The following ANKS1B variants were observed in gnomAD, a reference collection of about 807,000 sequenced individuals.
The protein encoded by ANKS1B is ankyrin repeat and sterile alpha motif domain containing 1B.
ANKS1B carries 36 observed loss-of-function variants against 148.3 expected under a neutral mutation model. The observed-to-expected ratio is 0.24, with a 90% CI of 0.19 to 0.32. ANKS1B has a LOEUF of 0.32. Ranked by LOEUF, ANKS1B falls within the 10% of genes least tolerant of loss-of-function variation. The pLI, the probability that ANKS1B is intolerant of heterozygous loss-of-function variation, is 1.00. For missense variants in ANKS1B, 1,157 were observed against 1,542.6 expected, an observed-to-expected ratio of 0.75 and a Z score of 4.19; for synonymous variants, 542 against 560.8, an observed-to-expected ratio of 0.97 and a Z score of 0.47.
chr12:99,703,013 A>G (rs1323556112), intron 8 of ANKS1B, among the ~76,000 whole-genome samples: 1 of 152,002 alleles, frequency 6.6e-6, no homozygotes, highest in Non-Finnish European at 1.5e-5. Flanking sequence ...TCCCAGCACC[A>G]TTTTTGCAAT....
chr12:98,929,272 T>G (rs925301699), intron 17 of ANKS1B, among the ~76,000 whole-genome samples: 2 of 151,992 alleles, frequency 1.3e-5, no homozygotes, highest in Admixed American at 6.6e-5. Flanking sequence ...TGCAAGAAGT[T>G]AAAGAAAAAC....
At chr12:99,195,134 T>C (rs2081237174) in intron 14 of ANKS1B, among the ~76,000 whole-genome samples, 1 of 152,164 alleles carries the variant, frequency 6.6e-6, no homozygotes, top group Non-Finnish European at 1.5e-5. Flanking sequence ...TACTATATAT[T>C]ATTGGTTTCC....
intron 8 of ANKS1B, among the ~76,000 whole-genome samples, chr12:99,686,338 C>A (rs938673908): frequency 2.6e-5 from 4 of 151,998 alleles, no homozygotes; most frequent in Non-Finnish European, 4.4e-5. Context: ...CACAACATGC[C>A]CAAATAAGGC....
chr12:99,384,467 T>C (rs2093776010), intron 12 of ANKS1B, among the ~76,000 whole-genome samples: 1 of 152,214 alleles, frequency 6.6e-6, no homozygotes, highest in South Asian at 2.1e-4. Flanking sequence ...ATCTGTATTA[T>C]CTTGAAAAAT....
intron 14 of ANKS1B, among the ~76,000 whole-genome samples, chr12:99,225,772 G>A (rs1040582842): frequency 6.6e-6 from 1 of 152,216 alleles, no homozygotes; most frequent in African/African-American, 2.4e-5. Context: ...GCCACAGACT[G>A]AAGGCTGCAC....
intron 14 of ANKS1B, among the ~76,000 whole-genome samples, chr12:99,188,055 A>C (rs2080112660): frequency 6.6e-6 from 1 of 152,184 alleles, no homozygotes; most frequent in Non-Finnish European, 1.5e-5. Flanking sequence ...CTAGTCTCTG[A>C]TAAAACAGAC....
intron 9 of ANKS1B, among the ~76,000 whole-genome samples, chr12:99,573,626 T>C (rs1201802937): frequency 1.3e-5 from 2 of 152,058 alleles, no homozygotes; most frequent in Non-Finnish European, 2.9e-5. Context: ...TCCTACTCTT[T>C]ATGATGACTA....
intron 16 of ANKS1B, among the ~76,000 whole-genome samples, chr12:99,083,273 G>A (rs961445603): frequency 6.6e-6 from 1 of 152,150 alleles, no homozygotes; most frequent in Non-Finnish European, 1.5e-5. Flanking sequence ...AGGAGGATAG[G>A]AGAGTACAAA....
intron 14 of ANKS1B, among the ~76,000 whole-genome samples, chr12:99,202,674 T>G (rs2082206343): frequency 6.6e-6 from 1 of 152,200 alleles, no homozygotes; most frequent in African/African-American, 2.4e-5. Flanking sequence ...ATATAACATT[T>G]TTATAACATT....
intron 10 of ANKS1B, among the ~76,000 whole-genome samples, chr12:99,494,515 C>T (rs1407645957): frequency 2.0e-5 from 3 of 151,806 alleles, no homozygotes; most frequent in Non-Finnish European, 2.9e-5. Context: ...GGGCGGGTTA[C>T]GAGGTCAGGA....
chr12:99,773,193 A>C, intron 7 of ANKS1B, 105 bp from the exon 8 acceptor site: 1 of 896,368 alleles, frequency 1.1e-6, no homozygotes, highest in Non-Finnish European at 1.7e-6. Context: ...AAAATATAAC[A>C]AGATTAAGCA....
At chr12:99,365,279 G>A (rs1274477830) in intron 12 of ANKS1B, among the ~76,000 whole-genome samples, 3 of 152,204 alleles carry the variant, frequency 2.0e-5, no homozygotes, top group Admixed American at 2.0e-4. Flanking sequence ...GTGACAAATA[G>A]TTGGTAGCCC....
intron 8 of ANKS1B, among the ~76,000 whole-genome samples, chr12:99,671,889 C>A (rs1222931157): frequency 6.6e-6 from 1 of 151,946 alleles, no homozygotes; most frequent in Non-Finnish European, 1.5e-5. Context: ...TTAATTAACG[C>A]TAGCCAAAGA....
At chr12:99,509,619 T>A (rs1213036984) in intron 9 of ANKS1B, among the ~76,000 whole-genome samples, 1 of 151,898 alleles carries the variant, frequency 6.6e-6, no homozygotes, top group Non-Finnish European at 1.5e-5. Context: ...CTGTGGTTAG[T>A]TCATAAGGCT....
chr12:98,809,098 T>C (rs1428718346), intron 19 of ANKS1B, among the ~76,000 whole-genome samples: 1 of 152,208 alleles, frequency 6.6e-6, no homozygotes, highest in Non-Finnish European at 1.5e-5. Context: ...TTGCTTTCCA[T>C]GTCTTCTGTT....
intron 12 of ANKS1B, among the ~76,000 whole-genome samples, chr12:99,386,821 T>G (rs1172550114): frequency 6.6e-6 from 1 of 152,070 alleles, no homozygotes; most frequent in African/African-American, 2.4e-5. Flanking sequence ...ACTTATGAAA[T>G]AACGAATGAA....
At chr12:99,564,292 T>G (rs939900190) in intron 9 of ANKS1B, among the ~76,000 whole-genome samples, 17 of 152,116 alleles carry the variant, frequency 1.1e-4, no homozygotes. Flanking sequence ...AACAGGTATA[T>G]AATTTTTAAT....
chr12:99,294,971 C>T (rs1325838730), intron 12 of ANKS1B, among the ~76,000 whole-genome samples: 1 of 152,088 alleles, frequency 6.6e-6, no homozygotes, highest in Non-Finnish European at 1.5e-5. Context: ...GTTTGTAACA[C>T]AAAGAAATAA....
chr12:99,647,150 C>T (rs2098377952), intron 9 of ANKS1B, among the ~76,000 whole-genome samples: 1 of 152,072 alleles, frequency 6.6e-6, no homozygotes, highest in Non-Finnish European at 1.5e-5. Context: ...TACACGTGGT[C>T]TTACATAAAT....
Sources: allele counts gnomAD v4.1 joint callset (sites outside exome capture counted in the v4.1 genomes callset), GRCh38; gene constraint gnomAD v4.1.1; transcripts MANE v1.5; gene names NCBI Gene and HGNC (gene_info 2026-07-23, HGNC 2026-07-21).